The following MAPRE2 variants were observed in gnomAD, a reference collection of about 807,000 sequenced individuals.
MAPRE2 encodes the protein microtubule-associated protein RP/EB family member 2.
In MAPRE2, 13 loss-of-function variants were observed where a neutral mutation model predicts 43.2. That is an observed-to-expected ratio of 0.30 (90% confidence interval 0.20 to 0.48). The LOEUF (loss-of-function observed/expected upper bound fraction) is 0.48, where lower values mean the gene tolerates loss of function less well. MAPRE2 is among the 20% of genes least tolerant of loss of function. The pLI is 0.99. For synonymous variants in MAPRE2, 135 were observed against 148.8 expected, an observed-to-expected ratio of 0.91 and a Z score of 0.68; for missense variants, 161 against 400.2, an observed-to-expected ratio of 0.40 and a Z score of 5.10.
chr18:35,055,327 A>C (rs371722693), intron 1 of MAPRE2, among the ~76,000 whole-genome samples: 4 of 151,972 alleles, frequency 2.6e-5, no homozygotes, highest in African/African-American at 9.7e-5. Flanking sequence ...CAGCTTCATC[A>C]CGCCCATCTC....
intron 2 of MAPRE2, among the ~76,000 whole-genome samples, chr18:35,036,053 C>A (rs973056090): frequency 6.6e-5 from 10 of 150,850 alleles, no homozygotes; most frequent in African/African-American, 2.4e-4. Context: ...TTCTCTATGT[C>A]CAAAACACAT....
chr18:35,135,186 CAG>C (rs1489070920), intron 6 of MAPRE2, among the ~76,000 whole-genome samples: 4 of 152,196 alleles, frequency 2.6e-5, no homozygotes, highest in East Asian at 1.9e-4. Flanking sequence ...GAGTTTTCTA[CAG>C]AGAGTAAGCC....
At chr18:35,137,976 G>A (rs1910463634) in intron 6 of MAPRE2, among the ~76,000 whole-genome samples, 1 of 152,218 alleles carries the variant, frequency 6.6e-6, no homozygotes, top group Admixed American at 6.5e-5. Context: ...CCTTGGATGA[G>A]AGGAGAGCAC....
intron 2 of MAPRE2, among the ~76,000 whole-genome samples, chr18:35,091,486 C>T (rs1360890051): frequency 6.7e-6 from 1 of 150,308 alleles, no homozygotes; most frequent in African/African-American, 2.5e-5. Context: ...ACCTATACTA[C>T]CCAAAGCCAT....
At chr18:35,003,143 C>T (rs2150579556) in intron 1 of MAPRE2, among the ~76,000 whole-genome samples, 1 of 152,332 alleles carries the variant, frequency 6.6e-6, no homozygotes, top group East Asian at 1.9e-4. Flanking sequence ...CTTTGCCTCA[C>T]TCCTATCCCC....
At chr18:34,999,668 GAA>G (rs1367036028) in intron 1 of MAPRE2, among the ~76,000 whole-genome samples, 1 of 151,974 alleles carries the variant, frequency 6.6e-6, no homozygotes, top group Non-Finnish European at 1.5e-5. Context: ...TAATTTTTTT[GAA>G]GTCCTTAAAT....
intron 1 of MAPRE2, among the ~76,000 whole-genome samples, chr18:34,993,243 C>T (rs556004285): frequency 6.6e-6 from 1 of 151,404 alleles, no homozygotes; most frequent in African/African-American, 2.4e-5. Context: ...AGGTGTATAC[C>T]ACCATTCCCG....
At chr18:34,995,696 G>C (rs1032384454) in intron 1 of MAPRE2, among the ~76,000 whole-genome samples, 1 of 152,162 alleles carries the variant, frequency 6.6e-6, no homozygotes, top group African/African-American at 2.4e-5. Flanking sequence ...TTGCTTGGGG[G>C]TAAGGTCTAA....
At chr18:35,048,742 A>G (rs1464651020) in intron 1 of MAPRE2, among the ~76,000 whole-genome samples, 7 of 149,648 alleles carry the variant, frequency 4.7e-5, no homozygotes, top group Non-Finnish European at 8.9e-5. Flanking sequence ...TTAATACTAT[A>G]ACACAATGGT....
intron 1 of MAPRE2, among the ~76,000 whole-genome samples, chr18:34,989,507 C>G (rs1603386821): frequency 6.6e-6 from 1 of 152,064 alleles, no homozygotes. Flanking sequence ...GTTAGAAGTT[C>G]AAGACCAGCC....
chr18:35,033,713 C>G (rs1487987115), intron 2 of MAPRE2, among the ~76,000 whole-genome samples: 1 of 151,256 alleles, frequency 6.6e-6, no homozygotes, highest in Non-Finnish European at 1.5e-5. Context: ...TTCTTATACA[C>G]TAATAACAGA....
At chr18:35,119,394 A>T (rs971754896) in intron 4 of MAPRE2, among the ~76,000 whole-genome samples, 18 of 152,098 alleles carry the variant, frequency 1.2e-4, no homozygotes, top group African/African-American at 4.3e-4. Flanking sequence ...TGTTCATAGC[A>T]CTTATTTTCT....
At position 35,140,145 on chromosome 18, in the gene MAPRE2, G is replaced by A. The variant is rs943625831; in HGVS notation, c.910-150G>A. On this transcript the variant is annotated intron_variant, in intron 6 of 6. Transcript: ENST00000300249. Reference sequence around the variant, plus strand: ...GCATATGTATCAGACACCGGAAGCTGGGAGACGTTTGCATGGCGAGTTGTG... The same window carrying A: ...GCATATGTATCAGACACCGGAAGCTAGGAGACGTTTGCATGGCGAGTTGTG... 23 of 642,956 alleles carry A rather than the reference G, an allele frequency of 3.6e-5. No individual in the cohort carries two copies. The African/African-American group carries it at 3.8e-4, about 11-fold the overall frequency. The allele number at this position is 642,956 out of a possible 1,614,324, so 39.8% of individuals were successfully genotyped here.
intron 2 of MAPRE2, among the ~76,000 whole-genome samples, chr18:35,008,430 A>G (rs1485190018): frequency 1.3e-5 from 2 of 152,036 alleles, no homozygotes; most frequent in East Asian, 1.9e-4. Context: ...TAAAATAACT[A>G]TTTTTCCATT....
chr18:35,032,389 A>T (rs999329449), intron 2 of MAPRE2, among the ~76,000 whole-genome samples: 2 of 152,208 alleles, frequency 1.3e-5, no homozygotes, highest in Admixed American at 1.3e-4. Context: ...TTGAGTCAAG[A>T]TTAACATTCA....
At chr18:35,008,498 G>A (rs2097032861) in intron 2 of MAPRE2, among the ~76,000 whole-genome samples, 1 of 152,146 alleles carries the variant, frequency 6.6e-6, no homozygotes, top group South Asian at 2.1e-4. Flanking sequence ...ATATCATAAT[G>A]AGTGTGAACT....
intron 2 of MAPRE2, among the ~76,000 whole-genome samples, chr18:35,030,968 T>C (rs990033614): frequency 6.6e-6 from 1 of 152,218 alleles, no homozygotes; most frequent in Non-Finnish European, 1.5e-5. Flanking sequence ...CAGGTCTATG[T>C]CCCTCACCTC....
At chr18:35,135,369 G>A (rs534612680) in intron 6 of MAPRE2, among the ~76,000 whole-genome samples, 2 of 152,130 alleles carry the variant, frequency 1.3e-5, no homozygotes, top group Non-Finnish European at 2.9e-5. Flanking sequence ...CTCAGGAGCA[G>A]CTAGATACTC....
chr18:35,103,526 G>T (rs1282044655), intron 4 of MAPRE2, among the ~76,000 whole-genome samples: 1 of 152,120 alleles, frequency 6.6e-6, no homozygotes, highest in Non-Finnish European at 1.5e-5. Context: ...TTTGTGTTGG[G>T]GGTGGTGCAC....
Sources: allele counts gnomAD v4.1 joint callset (sites outside exome capture counted in the v4.1 genomes callset), GRCh38; gene constraint gnomAD v4.1.1; transcripts MANE v1.5; gene names NCBI Gene and HGNC (gene_info 2026-07-23, HGNC 2026-07-21).